CPNE5: variants seen among roughly 807,000 people sequenced by gnomAD.
CPNE5 encodes copine 5.
CPNE5 carries 42 observed loss-of-function variants against 81.1 expected under a neutral mutation model. The ratio of observed to expected loss-of-function variants is 0.52; its 90% CI spans 0.40 to 0.67. CPNE5 has a LOEUF of 0.67. Among genes scored for constraint, CPNE5 ranks in the 30% least tolerant of loss-of-function variants. The probability of loss-of-function intolerance (pLI) is 0.00; values close to 1 mark genes in which losing one functional copy is unlikely to be tolerated. For missense variants in CPNE5, 612 were observed against 815.5 expected, an observed-to-expected ratio of 0.75 and a Z score of 3.04; for synonymous variants, 313 against 321.5, an observed-to-expected ratio of 0.97 and a Z score of 0.28.
At chr6:36,806,880 G>T (rs1488101903) in intron 3 of CPNE5, among the ~76,000 whole-genome samples, 1 of 152,210 alleles carries the variant, frequency 6.6e-6, no homozygotes, top group African/African-American at 2.4e-5. Context: ...CCACTTAAGG[G>T]CTTCATTGGG....
At chr6:36,761,843 C>A (rs140640623) in intron 12 of CPNE5, among the ~76,000 whole-genome samples, 94 of 152,150 alleles carry the variant, frequency 6.2e-4, no homozygotes, top group African/African-American at 1.8e-3. Flanking sequence ...TTGGCATGAA[C>A]CATGATGTCT....
intron 20 of CPNE5, chr6:36,743,069 G>C: frequency 1.0e-6 from 1 of 985,364 alleles, no homozygotes; most frequent in Non-Finnish European, 1.2e-6. Flanking sequence ...CCCTATGTTT[G>C]GTCTCCACAC....
chr6:36,837,613 C>A (rs1773632989), intron 1 of CPNE5, among the ~76,000 whole-genome samples: 1 of 152,086 alleles, frequency 6.6e-6, no homozygotes, highest in African/African-American at 2.4e-5. Flanking sequence ...GCCCACGGGA[C>A]ACAGAAGACA....
At chr6:36,779,788 C>G (rs895128157) in intron 8 of CPNE5, among the ~76,000 whole-genome samples, 10 of 152,180 alleles carry the variant, frequency 6.6e-5, no homozygotes, top group African/African-American at 2.2e-4. Flanking sequence ...GCCAACGGGG[C>G]ACTGGGCAGA....
chr6:36,792,189 C>A, intron 7 of CPNE5, 93 bp from the exon 8 acceptor site: 1 of 1,291,396 alleles, frequency 7.7e-7, no homozygotes, highest in South Asian at 1.2e-5. Context: ...CCATCCTCCC[C>A]CGCCCCCTAC....
chr6:36,822,601 C>T (rs980835007), intron 2 of CPNE5, among the ~76,000 whole-genome samples: 3 of 152,066 alleles, frequency 2.0e-5, no homozygotes, highest in Non-Finnish European at 2.9e-5. Flanking sequence ...CTTTACAGCC[C>T]GGAGCAGTTT....
chr6:36,772,180 C>G (rs973555636), intron 10 of CPNE5, among the ~76,000 whole-genome samples: 26 of 152,186 alleles, frequency 1.7e-4, no homozygotes, highest in Admixed American at 1.7e-3. Context: ...CCAATTCCTT[C>G]TGCCCTGTGA....
intron 1 of CPNE5, among the ~76,000 whole-genome samples, chr6:36,828,345 A>AGG (rs1350659741): frequency 4.0e-5 from 6 of 149,106 alleles, no homozygotes; most frequent in Non-Finnish European, 7.4e-5. Context: ...GTATGGGTAG[A>AGG]GGCTGGGGTG....
chr6:36,742,112 T>G lies in CPNE5; in HGVS notation c.*156A>C. The stretch of plus-strand genomic sequence containing the variant: ...TGGGCAATAAGTGAGGCCAAGAAAT[T>G]GAGGAGGGGTCTTCAGAAGCCCCAC... On this transcript the variant is annotated 3_prime_UTR_variant, in exon 21 of 21. Coordinates refer to ENST00000244751, the MANE Select transcript of CPNE5 (RefSeq NM_020939.2). The G allele has an allele frequency of 1.7e-6, 1 of 584,434 alleles. No individual in the cohort carries two copies. Among genetic ancestry groups the G allele is most frequent in the South Asian group, 2.2e-5 (1 of 44,502 alleles). The allele number at this position is 584,434 out of a possible 1,614,324, so 36.2% of individuals were successfully genotyped here. A position where few individuals can be genotyped will look rare whatever the true frequency, so the allele number is the denominator to read the frequency against.
chr6:36,806,308 C>T (rs1470059655), intron 3 of CPNE5, among the ~76,000 whole-genome samples: 1 of 152,116 alleles, frequency 6.6e-6, no homozygotes, highest in African/African-American at 2.4e-5. Context: ...TGGGGTTTGG[C>T]CAGTGGGAGA....
At chr6:36,788,229 G>T (rs376452049) in intron 8 of CPNE5, among the ~76,000 whole-genome samples, 91 of 151,982 alleles carry the variant, frequency 6.0e-4, no homozygotes, top group South Asian at 3.7e-3. Context: ...AGATGGTCGG[G>T]GGGGGGTCTC....
intron 3 of CPNE5, among the ~76,000 whole-genome samples, chr6:36,819,999 T>A (rs997689468): frequency 1.3e-5 from 2 of 152,158 alleles, no homozygotes; most frequent in Non-Finnish European, 2.9e-5. Flanking sequence ...GCTCCGCCGC[T>A]CAGCAAGCAC....
At chr6:36,774,718 C>T (rs976527970) in intron 10 of CPNE5, among the ~76,000 whole-genome samples, 9 of 151,326 alleles carry the variant, frequency 5.9e-5, no homozygotes, top group South Asian at 2.1e-4. Context: ...AGAGGTGGGG[C>T]GGGTGGGGAG....
intron 8 of CPNE5, among the ~76,000 whole-genome samples, chr6:36,788,263 G>A (rs1488391890): frequency 1.3e-5 from 2 of 152,002 alleles, no homozygotes; most frequent in South Asian, 2.1e-4. Context: ...GGCTGGTCTC[G>A]AACTCCTGAG....
At chr6:36,829,670 A>G (rs1380266383) in intron 1 of CPNE5, among the ~76,000 whole-genome samples, 6 of 148,006 alleles carry the variant, frequency 4.1e-5, no homozygotes, top group African/African-American at 1.5e-4. Flanking sequence ...AAAATTATCC[A>G]GTCATGGTGG....
intron 8 of CPNE5, among the ~76,000 whole-genome samples, chr6:36,784,761 G>T (rs1185091175): frequency 3.3e-5 from 5 of 152,162 alleles, no homozygotes; most frequent in African/African-American, 1.2e-4. Flanking sequence ...GGACAACATG[G>T]TGAAACCCCA....
chr6:36,822,467 G>C (rs147754923), intron 2 of CPNE5, among the ~76,000 whole-genome samples: 1 of 152,176 alleles, frequency 6.6e-6, no homozygotes, highest in East Asian at 1.9e-4. Context: ...TTTAGGAGAA[G>C]GGTCGGCACC....
At chr6:36,821,647 G>A (rs1442785073) in intron 3 of CPNE5, among the ~76,000 whole-genome samples, 1 of 152,166 alleles carries the variant, frequency 6.6e-6, no homozygotes, top group Non-Finnish European at 1.5e-5. Context: ...AGCCAGGGTG[G>A]GTTTTGGAGC....
rs114099967 is a variant in CPNE5, at chr6:36,760,253, G to C, written c.855+2664C>G. On this transcript the variant is annotated intron_variant, in intron 12 of 20. Coordinates refer to ENST00000244751, the MANE Select transcript of CPNE5 (RefSeq NM_020939.2). ...AAAAAGCACGCATACACAGATTGCG[G>C]GTGGCTGGCTGGGGAAACAGCATCC... 6.8e-3 allele frequency among the ~76,000 whole-genome samples: 1,023 copies of C among 150,200 alleles called. 13 individuals are homozygous for C. Among genetic ancestry groups the C allele is most frequent in the African/African-American group, 0.024 (992 of 40,958 alleles).
Sources: allele counts gnomAD v4.1 joint callset (sites outside exome capture counted in the v4.1 genomes callset), GRCh38; gene constraint gnomAD v4.1.1; transcripts MANE v1.5; gene names NCBI Gene and HGNC (gene_info 2026-07-23, HGNC 2026-07-21).